ZFP1: variants seen among roughly 807,000 people sequenced by gnomAD.
The protein encoded by ZFP1 is zinc finger protein 1 homolog.
A neutral mutation model predicts 38.5 loss-of-function variants in ZFP1; 32 were observed. The ratio of observed to expected loss-of-function variants is 0.83; its 90% confidence interval spans 0.63 to 1.12. The LOEUF is 1.12. Among genes scored for constraint, ZFP1 ranks in the 50% most tolerant of loss-of-function variants. The probability of loss-of-function intolerance (pLI) is 0.00; values close to 1 mark genes in which losing one functional copy is unlikely to be tolerated. For missense variants in ZFP1, 616 were observed against 480.8 expected (o/e 1.28, Z -2.63); for synonymous variants, 245 against 168.8 (o/e 1.45, Z -3.50).
At chr16:75,120,767 T>TG in the ZFP1 span, among the ~76,000 whole-genome samples, 3 of 149,916 alleles carry the variant, frequency 2.0e-5, no homozygotes, top group Non-Finnish European at 4.4e-5. Context: ...CCAGCTTGTT[T>TG]TTTGTTTGTT....
upstream of ZFP1, among the ~76,000 whole-genome samples, chr16:75,148,207 C>G (rs1225224166): frequency 2.0e-5 from 3 of 152,118 alleles, no homozygotes; most frequent in Admixed American, 6.6e-5. Flanking sequence ...TACATATATT[C>G]TAATTAAATA....
upstream of ZFP1, among the ~76,000 whole-genome samples, chr16:75,143,917 G>A (rs1391183522): frequency 2.0e-5 from 3 of 152,142 alleles, no homozygotes; most frequent in African/African-American, 7.2e-5. Flanking sequence ...GCCTCCCAAA[G>A]TGCTGGGATT....
At chr16:75,119,833 A>T in the ZFP1 span, among the ~76,000 whole-genome samples, 3 of 152,168 alleles carry the variant, frequency 2.0e-5, no homozygotes, top group African/African-American at 7.2e-5. Flanking sequence ...AAGGCCTCTG[A>T]AGTGGCTAAA....
chr16:75,157,135 A>T (rs1374794849), intron 2 of ZFP1: 1 of 151,972 alleles, frequency 6.6e-6, no homozygotes, highest in Admixed American at 6.6e-5. Flanking sequence ...TTTTGTTTGC[A>T]GCGTCTCTTT....
the ZFP1 span, among the ~76,000 whole-genome samples, chr16:75,126,937 G>C: frequency 6.6e-6 from 1 of 152,024 alleles, no homozygotes; most frequent in Non-Finnish European, 1.5e-5. Flanking sequence ...ATGGTGTTTG[G>C]TTTTCTTTGG....
At chr16:75,138,477 G>A in the ZFP1 span, among the ~76,000 whole-genome samples, 1 of 152,226 alleles carries the variant, frequency 6.6e-6, no homozygotes, top group Admixed American at 6.5e-5. Flanking sequence ...ACACTCATAA[G>A]CCATGTGGAT....
the ZFP1 span, among the ~76,000 whole-genome samples, chr16:75,135,103 A>G: frequency 2.0e-5 from 3 of 150,462 alleles, no homozygotes; most frequent in African/African-American, 7.3e-5. Context: ...CCAGCTGCTT[A>G]GAAGGCTGAC....
chr16:75,168,308 C>T (rs1567541213), intron 3 of ZFP1, among the ~76,000 whole-genome samples: 1 of 152,036 alleles, frequency 6.6e-6, no homozygotes, highest in Non-Finnish European at 1.5e-5. Flanking sequence ...CTTAATGAAC[C>T]TGGGTAACTT....
chr16:75,152,339 A>G (rs377183185), intron 1 of ZFP1, among the ~76,000 whole-genome samples: 1 of 152,294 alleles, frequency 6.6e-6, no homozygotes, highest in Non-Finnish European at 1.5e-5. Context: ...TTATTAGACC[A>G]TTTGATATTG....
At chr16:75,162,826 C>T (rs1438419933) in intron 2 of ZFP1, among the ~76,000 whole-genome samples, 2 of 152,076 alleles carry the variant, frequency 1.3e-5, no homozygotes, top group Non-Finnish European at 2.9e-5. Flanking sequence ...CATGTTGCTG[C>T]AAAGGATATG....
At chr16:75,119,576 T>C in the ZFP1 span, 1 of 152,174 alleles carries the variant, frequency 6.6e-6, no homozygotes, top group Non-Finnish European at 1.5e-5. Context: ...CTGAAACCCA[T>C]CCCTAGGTAA....
the ZFP1 span, among the ~76,000 whole-genome samples, chr16:75,124,863 G>GCT: frequency 1.6e-5 from 2 of 127,646 alleles, no homozygotes; most frequent in African/African-American, 6.0e-5. Context: ...AAATAAAGAG[G>GCT]TTTTTTTTTT....
Position 75,149,551 on chromosome 16 carries a change from TA to T in ZFP1, c.-44+909del, listed in dbSNP as rs1164237866. Among the ~76,000 whole-genome samples, 27 of 124,596 alleles carry T rather than the reference TA, an allele frequency of 2.2e-4. No individual in the cohort carries two copies. In the East Asian group the frequency reaches 4.6e-3, roughly 21 times the overall value. The allele number at this position is 124,596 out of a possible 152,430, so 81.7% of individuals were successfully genotyped here. On this transcript the variant is annotated intron_variant, in intron 1 of 3. Transcript: ENST00000570010. Reference sequence around the variant, plus strand: ...TTTGTATTGTACCGTTTCTTTTCTTTACTTTCTTTTTTTTTTTTTTTTTTTT... The same window carrying T: ...TTTGTATTGTACCGTTTCTTTTCTTTCTTTCTTTTTTTTTTTTTTTTTTTT...
upstream of ZFP1, among the ~76,000 whole-genome samples, chr16:75,147,875 G>A (rs2145482285): frequency 6.6e-6 from 1 of 152,272 alleles, no homozygotes; most frequent in South Asian, 2.1e-4. Context: ...TGACAATATT[G>A]TGTACTTGAA....
chr16:75,138,067 T>A, the ZFP1 span, among the ~76,000 whole-genome samples: 1 of 117,454 alleles, frequency 8.5e-6, no homozygotes. Context: ...AGACGGAGTC[T>A]CACTCTGTTT....
chr16:75,168,677 C>T (rs570367576), intron 3 of ZFP1, among the ~76,000 whole-genome samples: 45 of 152,308 alleles, frequency 3.0e-4, no homozygotes, highest in African/African-American at 1.0e-3. Flanking sequence ...GCTCTGCTAT[C>T]TGGTTGTCAC....
At chr16:75,130,971 G>T in the ZFP1 span, among the ~76,000 whole-genome samples, 1 of 151,950 alleles carries the variant, frequency 6.6e-6, no homozygotes. Context: ...CACAGATCTG[G>T]CACCTTTTAG....
chr16:75,136,836 GCTCCAGCCTGGGCA>G, the ZFP1 span, among the ~76,000 whole-genome samples: 2 of 151,906 alleles, frequency 1.3e-5, no homozygotes, highest in Admixed American at 1.3e-4. Context: ...GTGACACTGT[GCTCCAGCCTGGGCA>G]ACAGAGCAAG....
intron 2 of ZFP1, among the ~76,000 whole-genome samples, chr16:75,155,178 G>A (rs1046728390): frequency 6.6e-6 from 1 of 152,164 alleles, no homozygotes; most frequent in African/African-American, 2.4e-5. Flanking sequence ...TCACCTAAGT[G>A]GGAGTGCAGT....
Sources: gnomAD v4.1 joint callset for allele counts (sites outside exome capture counted in the v4.1 genomes callset) on GRCh38, gnomAD v4.1.1 for gene constraint, MANE v1.5 for transcripts, NCBI Gene and HGNC (gene_info 2026-07-23, HGNC 2026-07-21) for gene names.